The following PPP2R5C variants were observed in gnomAD, a reference collection of about 807,000 sequenced individuals.
PPP2R5C encodes the protein protein phosphatase 2 regulatory subunit B'gamma.
In PPP2R5C, 7 loss-of-function variants were observed where a neutral mutation model predicts 68.9. The observed-to-expected ratio is 0.10, with a 90% CI of 0.06 to 0.19. PPP2R5C has a LOEUF of 0.19. Among genes scored for constraint, PPP2R5C ranks in the 10% least tolerant of loss-of-function variants. PPP2R5C has a pLI of 1.00. For missense variants in PPP2R5C, 348 were observed against 641.3 expected (o/e 0.54, Z 4.94); for synonymous variants, 210 against 222.2 (o/e 0.95, Z 0.49).
chr14:101,889,142 A>C (rs2044697531), intron 5 of PPP2R5C, among the ~76,000 whole-genome samples: 1 of 152,256 alleles, frequency 6.6e-6, no homozygotes, highest in Admixed American at 6.5e-5. Flanking sequence ...TGTGGATGTT[A>C]AGGTCACACT....
chr14:101,893,195 G>A, intron 7 of PPP2R5C, 87 bp downstream of exon 9: 2 of 925,648 alleles, frequency 2.2e-6, no homozygotes, highest in Non-Finnish European at 3.4e-6. Flanking sequence ...TTGACTGAGA[G>A]TGCTTTCTTC....
Position 101,916,191 on chromosome 14 carries a change from C to T in PPP2R5C, c.1327-1640C>T, listed in dbSNP as rs899852491. On this transcript the variant is annotated intron_variant, in intron 12 of 13. Transcript: ENST00000334743. This position sits in a 1 kb window ranked among gnomAD's most constrained non-coding sequence, Gnocchi z 5.5. ...AGCATGGATGGAGTGCTGGGGCTGT[C>T]GGGGTAGGGTGTGGAGATGTGTGGA... Among the ~76,000 whole-genome samples the T allele has an allele frequency of 2.0e-5, 3 of 152,126 alleles. No homozygotes were observed. Among genetic ancestry groups the T allele is most frequent in the Non-Finnish European group, 2.9e-5 (2 of 68,012 alleles).
intron 2 of PPP2R5C, chr14:101,765,568 CTT>C (rs568558671): frequency 0.012 from 1,854 of 152,252 alleles, 2 homozygotes; most frequent in South Asian, 0.034. Context: ...GCTTTCAAGC[CTT>C]TTTTTTTTTT....
At chr14:101,856,433 CA>C (rs2042429022) in intron 1 of PPP2R5C, among the ~76,000 whole-genome samples, 1 of 152,194 alleles carries the variant, frequency 6.6e-6, no homozygotes, top group African/African-American at 2.4e-5. Context: ...TTATTTCTAA[CA>C]GTGCTCTCAA....
Position 101,773,628 on chromosome 14 carries a change from A to T in PPP2R5C, c.93+10658A>T, listed in dbSNP as rs935574435. ...GTAGGGAGCCGAGCACAGACAAGGTAGGGTAAGATCTTATAAACAGCCTGC... is the reference window on the plus strand; with the variant it reads ...GTAGGGAGCCGAGCACAGACAAGGTTGGGTAAGATCTTATAAACAGCCTGC... On this transcript the variant is annotated intron_variant, in intron 2 of 14. Transcript: ENST00000328724. Among the ~76,000 whole-genome samples, 51 of 152,052 alleles carry T rather than the reference A, an allele frequency of 3.4e-4. 3 individuals are homozygous for T. Among genetic ancestry groups the T allele is most frequent in the Admixed American group, 2.6e-4 (4 of 15,274 alleles).
rs912737261 is a variant in PPP2R5C, at chr14:101,781,731, A to G, written c.94-4287A>G. The stretch of plus-strand genomic sequence containing the variant: ...AGGAGGGGAGCCGGCCACCCGGGGA[A>G]GAAGCGGAGGACGCCGATCTGGCCT... On this transcript the variant is annotated intron_variant, in intron 2 of 14. Transcript: ENST00000328724. This position sits in a 1 kb window ranked among gnomAD's most constrained non-coding sequence, Gnocchi z 6.4. 3.9e-5 allele frequency among the ~76,000 whole-genome samples: 6 copies of G among 151,980 alleles called. No homozygotes were observed. Among genetic ancestry groups the G allele is most frequent in the African/African-American group, 1.5e-4 (6 of 41,376 alleles).
rs1300391059 is a variant in PPP2R5C at position 101,882,459 on chromosome 14, T to G, written c.405+188T>G. 4.3e-6 allele frequency: 2 copies of G among 468,620 alleles called. No individual in the cohort carries two copies. 29.0% of individuals were successfully genotyped at this position (468,620 alleles called of 1,614,324 possible). On this transcript the variant is annotated intron_variant, in intron 3 of 13. Transcript: ENST00000334743. This position sits in a 1 kb window ranked among gnomAD's most constrained non-coding sequence, Gnocchi z 4.9. The stretch of plus-strand genomic sequence containing the variant: ...AGTTAATGTGTGTGTTTGACCACTT[T>G]ACAACAGCCAGTGAAGATGTGTAAT...
intron 3 of PPP2R5C, among the ~76,000 whole-genome samples, chr14:101,789,456 T>G (rs2038262681): frequency 6.6e-6 from 1 of 152,212 alleles, no homozygotes; most frequent in Non-Finnish European, 1.5e-5. Context: ...CTGAATTTGG[T>G]CAAATGCCAT....
At chr14:101,779,057 C>CA (rs2140013965) in intron 2 of PPP2R5C, among the ~76,000 whole-genome samples, 1 of 151,918 alleles carries the variant, frequency 6.6e-6, no homozygotes, top group Admixed American at 6.5e-5. Flanking sequence ...GACCCTGTCT[C>CA]AAAAAAATTA....
chr14:101,792,820 A>T (rs2038419373), intron 3 of PPP2R5C, among the ~76,000 whole-genome samples: 1 of 150,234 alleles, frequency 6.7e-6, no homozygotes, highest in Admixed American at 6.6e-5. Flanking sequence ...ACACAGTGAG[A>T]CATCCCTTGG....
At chr14:101,908,886 G>T (rs1472860898) in intron 10 of PPP2R5C, among the ~76,000 whole-genome samples, 2 of 152,230 alleles carry the variant, frequency 1.3e-5, no homozygotes, top group Non-Finnish European at 2.9e-5. Flanking sequence ...AAGGAATTAT[G>T]ATTTGAGGGT....
exon 14 of PPP2R5C, chr14:101,925,685 T>C (rs913084649): frequency 6.4e-6 from 1 of 155,590 alleles, no homozygotes; most frequent in Non-Finnish European, 1.4e-5. Context: ...ACCTATTTTT[T>C]AAGACTTTAC....
At chr14:101,765,110 TG>T (rs1176751849) in intron 2 of PPP2R5C, 1 of 701,828 alleles carries the variant, frequency 1.4e-6, no homozygotes, top group Non-Finnish European at 2.6e-6. Flanking sequence ...TGGCCTGCAG[TG>T]CCTGAGTATG....
At chr14:101,830,510 G>A (rs1006535197) in intron 1 of PPP2R5C, among the ~76,000 whole-genome samples, 21 of 152,286 alleles carry the variant, frequency 1.4e-4, no homozygotes, top group African/African-American at 4.3e-4. Context: ...CCCGAGGTGG[G>A]GCCCTGGATT....
intron 1 of PPP2R5C, chr14:101,823,768 G>C: frequency 9.0e-7 from 1 of 1,111,980 alleles, no homozygotes; most frequent in Non-Finnish European, 1.1e-6. Flanking sequence ...ACCCCTCTCT[G>C]AGCATGCACT....
Position 101,882,940 on chromosome 14 carries a change from G to A in PPP2R5C, c.406-317G>A, listed in dbSNP as rs1167418186. On this transcript the variant is annotated intron_variant, in intron 3 of 13. Transcript: ENST00000334743. The surrounding 1 kb of genome is among the most constrained non-coding windows in gnomAD (Gnocchi z 4.9). ...CGACAGGCTGCAAATCCCCCCTGCA[G>A]AGTTGGGTCATGGCTTGGTTTGTGG... The A allele has an allele frequency of 4.0e-6, 1 of 248,252 alleles. No individual in the cohort carries two copies. The highest frequency in any genetic ancestry group is 7.6e-6 in the Non-Finnish European group (1 of 130,808). The allele number at this position is 248,252 out of a possible 1,614,324, so 15.4% of individuals were successfully genotyped here.
intron 1 of PPP2R5C, chr14:101,823,759 C>T: frequency 9.2e-7 from 1 of 1,089,810 alleles, no homozygotes; most frequent in Non-Finnish European, 1.1e-6. Context: ...TCTGGGCTCA[C>T]CCCTCTCTGA....
At chr14:101,765,594 G>C in intron 2 of PPP2R5C, 1 of 193,842 alleles carries the variant, frequency 5.2e-6, no homozygotes, top group Non-Finnish European at 1.0e-5. Flanking sequence ...TTGAGACAGA[G>C]TTTCACTCTT....
At chr14:101,920,327 C>T (rs552504219) in intron 13 of PPP2R5C, among the ~76,000 whole-genome samples, 217 of 152,300 alleles carry the variant, frequency 1.4e-3, no homozygotes, top group Non-Finnish European at 2.3e-3. Context: ...GGAGGGTTAC[C>T]TTATACAGTG....
Sources: allele counts gnomAD v4.1 joint callset (sites outside exome capture counted in the v4.1 genomes callset), GRCh38; gene constraint gnomAD v4.1.1; non-coding constraint Gnocchi (gnomAD v3.1); transcripts MANE v1.5; gene names NCBI Gene and HGNC (gene_info 2026-07-23, HGNC 2026-07-21).